The following PCDHGA3 variants were observed in gnomAD, a reference collection of about 807,000 sequenced individuals.
PCDHGA3 encodes protocadherin gamma-A3.
PCDHGA3 carries 40 observed loss-of-function variants against 58.5 expected under a neutral mutation model. The observed-to-expected ratio is 0.68, with a 90% CI of 0.53 to 0.89. The LOEUF (loss-of-function observed/expected upper bound fraction) is 0.89, where lower values mean the gene tolerates loss of function less well. Among genes scored for constraint, PCDHGA3 ranks in the 40% least tolerant of loss-of-function variants. The probability of loss-of-function intolerance (pLI) is 0.00; values close to 1 mark genes in which losing one functional copy is unlikely to be tolerated. For synonymous variants in PCDHGA3, 530 were observed against 525.7 expected (o/e 1.01, Z -0.11); for missense variants, 1,223 against 1,195.9 (o/e 1.02, Z -0.33).
Position 141,352,019 on chromosome 5 carries a change from G to C in PCDHGA3, c.2424+5562G>C, listed in dbSNP as rs767715715. 9.0e-5 allele frequency: 145 copies of C among 1,609,570 alleles called. 3 individuals are homozygous for C. In the South Asian group the frequency reaches 1.5e-3, roughly 17 times the overall value. On this transcript the variant is annotated intron_variant, in intron 1 of 3. Transcript: ENST00000253812. Reference sequence around the variant, plus strand: ...AGAGCCCGGCTACCTGGTGACCAAGGTGGTGGCGGTGGACGCAGACTCAGG... The same window carrying C: ...AGAGCCCGGCTACCTGGTGACCAAGCTGGTGGCGGTGGACGCAGACTCAGG...
chr5:141,356,393 A>G (rs771004657), intron 1 of PCDHGA3: 9 of 1,578,652 alleles, frequency 5.7e-6, no homozygotes, highest in South Asian at 2.3e-5. Flanking sequence ...GAAAAGACCT[A>G]TGGAAATTAT....
intron 1 of PCDHGA3, chr5:141,375,655 G>T: frequency 6.2e-7 from 1 of 1,614,246 alleles, no homozygotes; most frequent in Non-Finnish European, 8.5e-7. Flanking sequence ...ACTATGAGCA[G>T]TTGAGAGACC....
At chr5:141,378,751 G>T (rs72790019) in intron 1 of PCDHGA3, 22 of 152,014 alleles carry the variant, frequency 1.4e-4, no homozygotes, top group Non-Finnish European at 5.9e-5. Flanking sequence ...AAGAAAAAAG[G>T]GATTATCATT....
intron 1 of PCDHGA3, 97 bp from the exon 2 acceptor site, chr5:141,494,710 C>G: frequency 6.2e-7 from 1 of 1,600,966 alleles, no homozygotes; most frequent in Admixed American, 1.7e-5. Context: ...TCTCTGTGCC[C>G]ACTCCCCTCC....
chr5:141,382,462 T>C (rs1481999551), intron 1 of PCDHGA3, among the ~76,000 whole-genome samples: 24 of 152,240 alleles, frequency 1.6e-4, no homozygotes, highest in Admixed American at 1.6e-3. Flanking sequence ...AGCAGTTTTT[T>C]AAAAATTATC....
chr5:141,419,662 T>C (rs767190243), intron 1 of PCDHGA3: 140 of 1,612,700 alleles, frequency 8.7e-5, no homozygotes, highest in South Asian at 2.2e-5. Flanking sequence ...CGGGGCACAA[T>C]GCCTGGCTGT....
intron 2 of PCDHGA3, among the ~76,000 whole-genome samples, chr5:141,503,340 T>A (rs1394172617): frequency 6.6e-6 from 1 of 152,064 alleles, no homozygotes; most frequent in African/African-American, 2.4e-5. Flanking sequence ...CTCACGCCTG[T>A]AATTCCAGCA....
At position 141,394,450 on chromosome 5, in the gene PCDHGA3, T is replaced by A. The variant is rs188283892; in HGVS notation, c.2424+47993T>A. Reference sequence around the variant, plus strand: ...GGGGACCCGCCCCTCAGCAGCAACATGTCACTGAGCCTGTTCGTGCTGGAC... The same window carrying A: ...GGGGACCCGCCCCTCAGCAGCAACAAGTCACTGAGCCTGTTCGTGCTGGAC... On this transcript the variant is annotated intron_variant, in intron 1 of 3. Transcript: ENST00000253812. 92 of 1,614,228 alleles carry A rather than the reference T, an allele frequency of 5.7e-5. No individual in the cohort carries two copies. The East Asian group carries it at 1.9e-3, about 34-fold the overall frequency.
In PCDHGA3 at chr5:141,471,825, A is replaced by G. The variant is rs150400990; in HGVS notation, c.2425-22982A>G. Among the ~76,000 whole-genome samples, 61 of 152,344 alleles carry G rather than the reference A, an allele frequency of 4.0e-4. No individual in the cohort carries two copies. In the East Asian group the frequency reaches 0.011, roughly 27 times the overall value. ...ACATATAAAAGACTACCTATTTTAT[A>G]ATTCCTTTTTAATAAAATATTCAGA... On this transcript the variant is annotated intron_variant, in intron 1 of 3. Coordinates refer to ENST00000253812, the MANE Select transcript of PCDHGA3 (RefSeq NM_018916.4).
chr5:141,459,139 A>G (rs1592605909), intron 1 of PCDHGA3, among the ~76,000 whole-genome samples: 1 of 152,360 alleles, frequency 6.6e-6, no homozygotes, highest in Non-Finnish European at 1.5e-5. Flanking sequence ...ACCACCATGC[A>G]ATCAAAATAT....
intron 1 of PCDHGA3, chr5:141,388,653 C>T (rs1315025499): frequency 6.2e-7 from 1 of 1,613,728 alleles, no homozygotes; most frequent in Non-Finnish European, 8.5e-7. Context: ...AAACGTGTAC[C>T]CGGGGACCAC....
At chr5:141,361,569 C>T in intron 1 of PCDHGA3, 1 of 1,614,072 alleles carries the variant, frequency 6.2e-7, no homozygotes. Flanking sequence ...GTGCCTCTGA[C>T]CCTGACTTGG....
At position 141,404,477 on chromosome 5, in the gene PCDHGA3, T is replaced by C. The variant is rs750187565; in HGVS notation, c.2424+58020T>C. On this transcript the variant is annotated intron_variant, in intron 1 of 3. Coordinates refer to ENST00000253812, the MANE Select transcript of PCDHGA3 (RefSeq NM_018916.4). ...TCTCTCCACCTATGTCTCTATTAAC[T>C]CAGACACTGGTGTGCTGTATGCTCT... is the stretch of plus-strand genomic sequence containing the variant. The C allele has an allele frequency of 3.1e-6, 5 of 1,613,408 alleles. No individual in the cohort carries two copies. In the South Asian group the frequency reaches 4.4e-5, roughly 14 times the overall value.
intron 1 of PCDHGA3, chr5:141,402,997 G>C: frequency 3.7e-6 from 6 of 1,613,928 alleles, no homozygotes; most frequent in Non-Finnish European, 5.1e-6. Context: ...GATTAGTCCT[G>C]CTATGCTCGC....
Position 141,489,242 on chromosome 5 carries a change from T to C in PCDHGA3, c.2425-5565T>C. ...TCTCCACAAAGGGACTTCTGGGTCA[T>C]GGGGCCCAAGACACTCCCACAGCTC... On this transcript the variant is annotated intron_variant, in intron 1 of 3. Transcript: ENST00000253812. This position sits in a 1 kb window ranked among gnomAD's most constrained non-coding sequence, Gnocchi z 4.5. 6.5e-7 allele frequency: 1 copy of C among 1,534,502 alleles called. No individual in the cohort carries two copies. The highest frequency in any genetic ancestry group is 8.8e-7 in the Non-Finnish European group (1 of 1,141,994).
chr5:141,505,468 G>A lies in PCDHGA3; in HGVS notation c.2559G>A (p.Leu853=). 1 of 1,614,212 alleles carries A rather than the reference G, an allele frequency of 6.2e-7. No homozygotes were observed. Among genetic ancestry groups the A allele is most frequent in the Non-Finnish European group, 8.5e-7 (1 of 1,180,020 alleles). The change falls in exon 3 of 4, where the codon TTG becomes TTA. Residue 853 remains leucine (L), a synonymous_variant. Coordinates refer to ENST00000253812, the MANE Select transcript of PCDHGA3 (RefSeq NM_018916.4). The stretch of plus-strand genomic sequence containing the variant: ...CAGAGATGCTGCAAGCCATGATCTT[G>A]GCGTCCGCCAGTGGTAAGTGGTGTC... The part of the protein sequence containing the change: ...FDTEMLQAMI[L]ASASEAADGS...
At chr5:141,463,324 T>C (rs1413608053) in intron 1 of PCDHGA3, among the ~76,000 whole-genome samples, 1 of 150,722 alleles carries the variant, frequency 6.6e-6, no homozygotes, top group Non-Finnish European at 1.5e-5. Context: ...ATTCCTCAAC[T>C]CAGCAAAACC....
At chr5:141,399,063 A>C in intron 1 of PCDHGA3, 1 of 1,613,714 alleles carries the variant, frequency 6.2e-7, no homozygotes. Flanking sequence ...AGGAATATTC[A>C]ATGGTTGTAG....
At chr5:141,352,689 G>C (rs889456769) in intron 1 of PCDHGA3, 9 of 1,560,606 alleles carry the variant, frequency 5.8e-6, no homozygotes, top group South Asian at 1.2e-5. Context: ...TGCAAATCTA[G>C]TTAAATTTTA....
Sources: allele counts gnomAD v4.1 joint callset (sites outside exome capture counted in the v4.1 genomes callset), GRCh38; gene constraint gnomAD v4.1.1; non-coding constraint Gnocchi (gnomAD v3.1); transcripts MANE v1.5; gene names NCBI Gene and HGNC (gene_info 2026-07-23, HGNC 2026-07-21).